GRID2: variants seen among roughly 807,000 people sequenced by gnomAD.
The protein encoded by GRID2 is glutamate ionotropic receptor delta type subunit 2.
A neutral mutation model predicts 114.8 loss-of-function variants in GRID2; 33 were observed. The ratio of observed to expected loss-of-function variants is 0.29; its 90% confidence interval spans 0.22 to 0.38. The LOEUF (loss-of-function observed/expected upper bound fraction) is 0.38. Among genes scored for constraint, GRID2 ranks in the 10% least tolerant of loss-of-function variants. The pLI is 1.00. For missense variants in GRID2, 1,184 were observed against 1,257.7 expected (o/e 0.94, Z 0.89); for synonymous variants, 505 against 449.9 (o/e 1.12, Z -1.55).
intron 2 of GRID2, among the ~76,000 whole-genome samples, chr4:92,736,549 C>T (rs1341078389): frequency 6.6e-6 from 1 of 152,032 alleles, no homozygotes; most frequent in Admixed American, 6.6e-5. Flanking sequence ...TTTAACCTAT[C>T]GAATGTCCTA....
chr4:92,648,857 TAA>T (rs1260012706), intron 2 of GRID2, among the ~76,000 whole-genome samples: 1 of 147,622 alleles, frequency 6.8e-6, no homozygotes, highest in Non-Finnish European at 1.5e-5. Context: ...AGATAAAAAT[TAA>T]GTTGTCAAAT....
intron 2 of GRID2, among the ~76,000 whole-genome samples, chr4:92,710,528 C>T (rs1476906830): frequency 6.6e-6 from 1 of 152,084 alleles, no homozygotes; most frequent in Non-Finnish European, 1.5e-5. Flanking sequence ...TTTGCCAGGC[C>T]CTCTCTTAGC....
At chr4:92,947,924 A>T (rs1054878728) in intron 2 of GRID2, among the ~76,000 whole-genome samples, 1 of 151,926 alleles carries the variant, frequency 6.6e-6, no homozygotes, top group African/African-American at 2.4e-5. Flanking sequence ...ATCATTTTAC[A>T]TTATACTATC....
At chr4:92,916,537 T>A (rs1232544884) in intron 2 of GRID2, among the ~76,000 whole-genome samples, 2 of 149,282 alleles carry the variant, frequency 1.3e-5, no homozygotes, top group African/African-American at 2.5e-5. Context: ...CAGGCCCTCG[T>A]GTGTGATGTT....
intron 7 of GRID2, among the ~76,000 whole-genome samples, chr4:93,231,089 T>A (rs1038279218): frequency 6.6e-6 from 1 of 152,054 alleles, no homozygotes; most frequent in Non-Finnish European, 1.5e-5. Flanking sequence ...AGAGCTACAA[T>A]TTGAAAACCA....
intron 2 of GRID2, among the ~76,000 whole-genome samples, chr4:93,026,813 A>G (rs994303779): frequency 1.3e-5 from 2 of 152,042 alleles, no homozygotes; most frequent in African/African-American, 4.8e-5. Flanking sequence ...AAATGCAAAT[A>G]TCATTCATTT....
At position 93,619,010 on chromosome 4, in the gene GRID2, G is replaced by T. The variant is rs1741966779; in HGVS notation, c.2194-7259G>T. 3.9e-5 allele frequency among the ~76,000 whole-genome samples: 6 copies of T among 152,108 alleles called. No individual in the cohort carries two copies. The South Asian group carries it at 1.2e-3, about 32-fold the overall frequency. ...GGCAAGAAATAAGATTTAGAGGTGG[G>T]CATAACACTTCTTTTCTAGGTTAAA... On this transcript the variant is annotated intron_variant, in intron 13 of 15. Coordinates refer to ENST00000282020, the MANE Select transcript of GRID2 (RefSeq NM_001510.4).
At chr4:93,299,908 A>G (rs984795332) in intron 8 of GRID2, among the ~76,000 whole-genome samples, 4 of 152,130 alleles carry the variant, frequency 2.6e-5, no homozygotes, top group African/African-American at 9.7e-5. Flanking sequence ...GATAACTGCA[A>G]ATTTCCCTTG....
chr4:93,487,860 C>T (rs2149455751), intron 11 of GRID2, among the ~76,000 whole-genome samples: 1 of 152,030 alleles, frequency 6.6e-6, no homozygotes, highest in African/African-American at 2.4e-5. Flanking sequence ...TGAATGGCTT[C>T]ATCCACCAAC....
intron 4 of GRID2, among the ~76,000 whole-genome samples, chr4:93,114,325 T>G (rs1434215640): frequency 6.6e-6 from 1 of 152,172 alleles, no homozygotes; most frequent in Non-Finnish European, 1.5e-5. Flanking sequence ...TCAACTGATA[T>G]GATCTTAACT....
chr4:93,538,560 G>GA (rs997038522), intron 13 of GRID2, among the ~76,000 whole-genome samples: 1 of 151,598 alleles, frequency 6.6e-6, no homozygotes, highest in Admixed American at 6.6e-5. Flanking sequence ...TACGGAACAG[G>GA]AAAAAATAGA....
chr4:93,500,771 A>G (rs1490989942), intron 12 of GRID2, among the ~76,000 whole-genome samples: 1 of 152,030 alleles, frequency 6.6e-6, no homozygotes, highest in African/African-American at 2.4e-5. Context: ...TGCTACTAAT[A>G]GAGACTGGCA....
intron 4 of GRID2, among the ~76,000 whole-genome samples, chr4:93,137,161 G>A (rs1235426340): frequency 6.6e-6 from 1 of 152,134 alleles, no homozygotes; most frequent in Admixed American, 6.5e-5. Context: ...GCCAAGTCAT[G>A]CTTAACCCTT....
chr4:93,480,912 GTAGGCCAGGGAGGTTGTA>G (rs139217587), intron 11 of GRID2, among the ~76,000 whole-genome samples: 23,146 of 151,982 alleles, frequency 0.15, 2,171 homozygotes, highest in Middle Eastern at 0.33. Flanking sequence ...AATCTCTACA[GTAGGCCAGGGAGGTTGTA>G]TATAGGTTAT....
intron 2 of GRID2, among the ~76,000 whole-genome samples, chr4:92,726,518 C>T (rs951106140): frequency 6.6e-6 from 1 of 151,922 alleles, no homozygotes; most frequent in Non-Finnish European, 1.5e-5. Context: ...CTTAAAAATT[C>T]TTTTGTTATG....
intron 1 of GRID2, among the ~76,000 whole-genome samples, chr4:92,550,485 C>T (rs985599486): frequency 5.5e-4 from 83 of 152,192 alleles, no homozygotes; most frequent in African/African-American, 1.9e-3. Context: ...TTAGAGGCAA[C>T]CCATTTTTTA....
intron 10 of GRID2, among the ~76,000 whole-genome samples, chr4:93,427,330 G>A (rs1270045060): frequency 6.6e-6 from 1 of 151,986 alleles, no homozygotes; most frequent in South Asian, 2.1e-4. Context: ...AGAAAAGCAA[G>A]CTTATTATTG....
In GRID2 at chr4:92,650,712, T is replaced by C. The variant is rs114327636; in HGVS notation, c.244+60426T>C. 4.6e-3 allele frequency among the ~76,000 whole-genome samples: 692 copies of C among 152,030 alleles called. 7 individuals carry two copies. Among genetic ancestry groups the C allele is most frequent in the African/African-American group, 0.016 (657 of 41,510 alleles). The stretch of plus-strand genomic sequence containing the variant: ...TGTAGGCCAGCAGAGTATAAAGTTA[T>C]AGAAACAGGGAGCACAAATGTAGAT... On this transcript the variant is annotated intron_variant, in intron 2 of 15. Transcript: ENST00000282020.
At chr4:92,656,134 G>A (rs1732221287) in intron 2 of GRID2, among the ~76,000 whole-genome samples, 1 of 151,518 alleles carries the variant, frequency 6.6e-6, no homozygotes, top group Admixed American at 6.6e-5. Flanking sequence ...TATAATTGCT[G>A]TACTAACTGG....
Sources: allele counts gnomAD v4.1 joint callset (sites outside exome capture counted in the v4.1 genomes callset), GRCh38; gene constraint gnomAD v4.1.1; transcripts MANE v1.5; gene names NCBI Gene and HGNC (gene_info 2026-07-23, HGNC 2026-07-21).